The following SPATA6L variants were observed in gnomAD, a reference collection of about 807,000 sequenced individuals.
The protein encoded by SPATA6L is spermatogenesis associated 6 like, also known as spermatogenesis associated 6-like protein.
A neutral mutation model predicts 49.2 loss-of-function variants in SPATA6L; 68 were observed. The ratio of observed to expected loss-of-function variants is 1.38; its 90% CI spans 1.14 to 1.69. The LOEUF (loss-of-function observed/expected upper bound fraction) is 1.69. SPATA6L is among the 40% of genes most tolerant of loss of function. The pLI is 0.00. For missense variants in SPATA6L, 668 were observed against 464.3 expected (o/e 1.44, Z -4.03); for synonymous variants, 198 against 165.7 (o/e 1.19, Z -1.50).
At chr9:4,611,462 G>A (rs1587023371) in intron 9 of SPATA6L, among the ~76,000 whole-genome samples, 1 of 149,414 alleles carries the variant, frequency 6.7e-6, no homozygotes, top group South Asian at 2.1e-4. Context: ...GGAATACTAT[G>A]CAGCCATAAA....
In SPATA6L at chr9:4,609,259, C is replaced by A. The variant is rs1205601573; in HGVS notation, c.996-3819G>T. The stretch of plus-strand genomic sequence containing the variant: ...CCATTCCTTCTGAAACTATTCCAAT[C>A]AATAGAAAAAGAGGGAATCCTCCCT... On this transcript the variant is annotated intron_variant, in intron 9 of 11. Coordinates refer to ENST00000682582, the MANE Select transcript of SPATA6L (RefSeq NM_001353486.2). Among the ~76,000 whole-genome samples the A allele has an allele frequency of 4.5e-3, 676 of 150,884 alleles. 7 individuals are homozygous for A. Among genetic ancestry groups the A allele is most frequent in the African/African-American group, 0.016 (648 of 40,988 alleles).
chr9:4,631,845 T>C (rs4742028), intron 4 of SPATA6L, among the ~76,000 whole-genome samples: 34,369 of 151,926 alleles, frequency 0.23, 5,857 homozygotes, highest in African/African-American at 0.45. Context: ...AGGGTCCCTC[T>C]TCCACCACTC....
intron 13 of SPATA6L, among the ~76,000 whole-genome samples, chr9:4,592,739 C>T (rs1181480909): frequency 6.6e-6 from 1 of 152,122 alleles, no homozygotes; most frequent in Non-Finnish European, 1.5e-5. Context: ...TACAAATTTG[C>T]TAATATAGTA....
At chr9:4,622,892 G>C (rs1489494227) in intron 6 of SPATA6L, among the ~76,000 whole-genome samples, 2 of 152,120 alleles carry the variant, frequency 1.3e-5, no homozygotes, top group Non-Finnish European at 2.9e-5. Context: ...GGCCTAAATG[G>C]GGTCCTCAGT....
intron 2 of SPATA6L, among the ~76,000 whole-genome samples, chr9:4,661,084 A>T (rs991631150): frequency 6.6e-6 from 1 of 152,222 alleles, no homozygotes; most frequent in African/African-American, 2.4e-5. Context: ...GCACATGTAT[A>T]CATATATAAC....
chr9:4,603,693 G>A (rs759382050), intron 11 of SPATA6L, among the ~76,000 whole-genome samples: 25 of 152,108 alleles, frequency 1.6e-4, no homozygotes, highest in Non-Finnish European at 3.5e-4. Context: ...AATCAGCCCA[G>A]ATAAAAATAT....
At chr9:4,607,364 G>A (rs1384703612) in intron 9 of SPATA6L, among the ~76,000 whole-genome samples, 1 of 151,816 alleles carries the variant, frequency 6.6e-6, no homozygotes, top group African/African-American at 2.4e-5. Flanking sequence ...AAGTTGAAAT[G>A]AAGGAAAAAA....
At chr9:4,604,734 A>C (rs183637273) in intron 10 of SPATA6L, among the ~76,000 whole-genome samples, 1 of 152,330 alleles carries the variant, frequency 6.6e-6, no homozygotes, top group East Asian at 1.9e-4. Flanking sequence ...GACTAATTCA[A>C]CTACATGGCA....
chr9:4,638,005 T>C (rs1833147971), intron 3 of SPATA6L, among the ~76,000 whole-genome samples: 1 of 152,218 alleles, frequency 6.6e-6, no homozygotes, highest in Non-Finnish European at 1.5e-5. Context: ...GAGAACCTCC[T>C]ATGTAGTAAG....
At chr9:4,612,208 C>G (rs1459284262) in intron 9 of SPATA6L, among the ~76,000 whole-genome samples, 3 of 152,014 alleles carry the variant, frequency 2.0e-5, no homozygotes, top group Non-Finnish European at 4.4e-5. Context: ...CTTTTGTACT[C>G]AGTGATCCTC....
At position 4,625,074 on chromosome 9, in the gene SPATA6L, T is replaced by C. The variant is rs563189446; in HGVS notation, c.669+253A>G. ...ATCATGTGTAGGCATTATACTCTGTTAATAATTTTCAAAAATTAAAAATAG... is the reference window on the plus strand; with the variant it reads ...ATCATGTGTAGGCATTATACTCTGTCAATAATTTTCAAAAATTAAAAATAG... On this transcript the variant is annotated intron_variant, in intron 6 of 11. Coordinates refer to ENST00000682582, the MANE Select transcript of SPATA6L (RefSeq NM_001353486.2). 51 of 462,022 alleles carry C rather than the reference T, an allele frequency of 1.1e-4. 1 individual carries two copies. Among genetic ancestry groups the C allele is most frequent in the Non-Finnish European group, 3.6e-6 (1 of 280,336 alleles). The allele number at this position is 462,022 out of a possible 1,614,324, so 28.6% of individuals were successfully genotyped here.
chr9:4,655,108 C>T (rs1022727517), intron 3 of SPATA6L, among the ~76,000 whole-genome samples: 3 of 152,194 alleles, frequency 2.0e-5, no homozygotes, highest in Admixed American at 6.5e-5. Flanking sequence ...TTCACAGCAT[C>T]ATTATTCATC....
At chr9:4,604,713 T>G (rs1458435540) in intron 10 of SPATA6L, among the ~76,000 whole-genome samples, 1 of 152,202 alleles carries the variant, frequency 6.6e-6, no homozygotes, top group Non-Finnish European at 1.5e-5. Context: ...CAGTATATAA[T>G]AAGTCAAGAG....
intron 6 of SPATA6L, among the ~76,000 whole-genome samples, chr9:4,623,287 AT>A (rs1166696879): frequency 6.6e-6 from 1 of 151,998 alleles, no homozygotes; most frequent in African/African-American, 2.4e-5. Context: ...TCTCAAAAAA[AT>A]AATAATAATA....
chr9:4,634,026 C>T (rs535989175), intron 4 of SPATA6L, among the ~76,000 whole-genome samples: 5 of 152,244 alleles, frequency 3.3e-5, no homozygotes, highest in Non-Finnish European at 7.4e-5. Flanking sequence ...ATACAACCTC[C>T]TATAGGTTAT....
At chr9:4,595,348 G>C (rs1822175126), downstream of SPATA6L, among the ~76,000 whole-genome samples, 2 of 152,040 alleles carry the variant, frequency 1.3e-5, no homozygotes, top group Admixed American at 6.6e-5. Context: ...CTCCTACTCA[G>C]TTGAGGTTCT....
In SPATA6L at chr9:4,625,568, T is replaced by C. The variant is rs1160895860; in HGVS notation, c.430-2A>G. ...CCTCCGTGACTCATGTCTTTCTTCC[T>C]GAAATAAACAAAAAAAGAATATTTT... On this transcript the variant is annotated splice_acceptor_variant, in intron 5 of 11. Coordinates refer to ENST00000682582, the MANE Select transcript of SPATA6L (RefSeq NM_001353486.2). LOFTEE classifies it high-confidence loss of function. 1 of 1,487,176 alleles carries C rather than the reference T, an allele frequency of 6.7e-7. No individual in the cohort carries two copies. Among genetic ancestry groups the C allele is most frequent in the Non-Finnish European group, 9.0e-7 (1 of 1,113,566 alleles). The allele number at this position is 1,487,176 out of a possible 1,614,324, so 92.1% of individuals were successfully genotyped here. A position where few individuals can be genotyped will look rare whatever the true frequency, so the allele number is the denominator to read the frequency against.
chr9:4,590,889 T>C (rs1415675840), intron 13 of SPATA6L, among the ~76,000 whole-genome samples: 1 of 152,194 alleles, frequency 6.6e-6, no homozygotes, highest in Non-Finnish European at 1.5e-5. Flanking sequence ...GTAGCTGCCA[T>C]TCCTCCATAA....
Position 4,662,288 on chromosome 9 carries a change from G to C in SPATA6L, c.40-252C>G. The C allele has an allele frequency of 7.0e-7, 1 of 1,434,864 alleles. No individual in the cohort carries two copies. The highest frequency in any genetic ancestry group is 9.1e-7 in the Non-Finnish European group (1 of 1,099,688). The allele number at this position is 1,434,864 out of a possible 1,614,324, so 88.9% of individuals were successfully genotyped here. On this transcript the variant is annotated intron_variant, in intron 1 of 11. Transcript: ENST00000682582. This position sits in a 1 kb window ranked among gnomAD's most constrained non-coding sequence, Gnocchi z 4.9. Reference sequence around the variant, plus strand: ...CCGGCTCCTCTCCCCGCCCCTCCGGGATGGTAGTGCGGAAGCGGAAGAGGC... The same window carrying C: ...CCGGCTCCTCTCCCCGCCCCTCCGGCATGGTAGTGCGGAAGCGGAAGAGGC...
Sources: allele counts gnomAD v4.1 joint callset (sites outside exome capture counted in the v4.1 genomes callset), GRCh38; gene constraint gnomAD v4.1.1; non-coding constraint Gnocchi (gnomAD v3.1); transcripts MANE v1.5; gene names NCBI Gene and HGNC (gene_info 2026-07-23, HGNC 2026-07-21).